The following SAE1 variants were observed in gnomAD, a reference collection of about 807,000 sequenced individuals.
SAE1 encodes SUMO-activating enzyme subunit 1.
A neutral mutation model predicts 40.6 loss-of-function variants in SAE1; 11 were observed. That is an observed-to-expected ratio of 0.27 (90% CI 0.17 to 0.45). The LOEUF is 0.45. Ranked by LOEUF, SAE1 falls within the 20% of genes least tolerant of loss-of-function variation. The pLI is 1.00. For synonymous variants in SAE1, 155 were observed against 154.3 expected (o/e 1.00, Z -0.03); for missense variants, 373 against 427.3 (o/e 0.87, Z 1.12).
intron 8 of SAE1, among the ~76,000 whole-genome samples, chr19:47,204,352 C>T: frequency 6.6e-6 from 1 of 151,612 alleles, no homozygotes; most frequent in Non-Finnish European, 1.5e-5. Flanking sequence ...CGCCTGCCAC[C>T]ACGCCCAGCT....
intron 8 of SAE1, among the ~76,000 whole-genome samples, chr19:47,206,805 C>T (rs2058688983): frequency 6.6e-6 from 1 of 152,208 alleles, no homozygotes; most frequent in Admixed American, 6.5e-5. Context: ...CTCCTACTTA[C>T]TAAGAATTTA....
At chr19:47,206,424 A>G (rs929725934) in intron 8 of SAE1, among the ~76,000 whole-genome samples, 2 of 152,224 alleles carry the variant, frequency 1.3e-5, no homozygotes, top group Non-Finnish European at 1.5e-5. Flanking sequence ...CTGAGCGCCT[A>G]TGGAAAGCTT....
intron 5 of SAE1, among the ~76,000 whole-genome samples, chr19:47,159,672 C>T (rs1254424381): frequency 1.3e-5 from 2 of 151,918 alleles, no homozygotes. Flanking sequence ...ATCCACTACA[C>T]CTGGCTAATT....
intron 7 of SAE1, among the ~76,000 whole-genome samples, chr19:47,199,366 CAG>C (rs2058637906): frequency 8.3e-6 from 1 of 120,042 alleles, no homozygotes; most frequent in African/African-American, 3.3e-5. Flanking sequence ...GCCTGGGCGA[CAG>C]AGCGAGAGGG....
chr19:47,205,320 C>CTTTTTTTT (rs11291244), intron 8 of SAE1, among the ~76,000 whole-genome samples: 1 of 129,246 alleles, frequency 7.7e-6, no homozygotes, highest in Non-Finnish European at 1.6e-5. Flanking sequence ...CCTAAGGCTA[C>CTTTTTTTT]TTTTTTTTTT....
At chr19:47,135,324 C>T (rs1209859047) in intron 1 of SAE1, among the ~76,000 whole-genome samples, 1 of 152,058 alleles carries the variant, frequency 6.6e-6, no homozygotes, top group Non-Finnish European at 1.5e-5. Flanking sequence ...TTCCCCTCCA[C>T]CCCCCACTAC....
At chr19:47,187,930 G>C (rs2058554007) in intron 6 of SAE1, among the ~76,000 whole-genome samples, 1 of 152,106 alleles carries the variant, frequency 6.6e-6, no homozygotes, top group African/African-American at 2.4e-5. Flanking sequence ...GCCTGCTATG[G>C]GGCAAGCCCT....
chr19:47,201,360 C>CTTTTGTTTTTTTTTT (rs2058653569), intron 7 of SAE1, among the ~76,000 whole-genome samples: 1 of 66,204 alleles, frequency 1.5e-5, no homozygotes, highest in African/African-American at 6.7e-5. Context: ...TATCTGGTTC[C>CTTTTGTTTTTTTTTT]TTTTTTTTTT....
At chr19:47,191,867 A>G (rs570500194) in intron 6 of SAE1, among the ~76,000 whole-genome samples, 7 of 152,184 alleles carry the variant, frequency 4.6e-5, no homozygotes, top group Admixed American at 3.9e-4. Flanking sequence ...CATCCTGGCT[A>G]ACACGGTGAA....
At chr19:47,169,992 G>A in intron 6 of SAE1, 69 bp downstream of exon 6, 3 of 1,147,690 alleles carry the variant, frequency 2.6e-6, no homozygotes, top group Admixed American at 1.7e-5. Flanking sequence ...GTGGTTGCAA[G>A]GTCCAGATGG....
intron 1 of SAE1, among the ~76,000 whole-genome samples, chr19:47,140,321 T>A (rs1472881786): frequency 6.6e-6 from 1 of 151,912 alleles, no homozygotes; most frequent in Non-Finnish European, 1.5e-5. Flanking sequence ...TTAGCCAGGA[T>A]GGTCTCGGTC....
chr19:47,177,369 T>TC (rs1264051549), intron 6 of SAE1, among the ~76,000 whole-genome samples: 6 of 151,990 alleles, frequency 3.9e-5, no homozygotes, highest in East Asian at 3.9e-4. Flanking sequence ...TTGTTTTTTT[T>TC]CCCCCCCAAA....
intron 7 of SAE1, among the ~76,000 whole-genome samples, chr19:47,201,655 A>C (rs1467505572): frequency 7.0e-6 from 1 of 142,114 alleles, no homozygotes; most frequent in Admixed American, 7.0e-5. Flanking sequence ...AATTATTATT[A>C]TTGGGAGTCT....
intron 2 of SAE1, among the ~76,000 whole-genome samples, chr19:47,145,301 A>G (rs1454265419): frequency 6.6e-6 from 1 of 151,970 alleles, no homozygotes; most frequent in African/African-American, 2.4e-5. Context: ...GCACCCGGCC[A>G]TGCCTGGCTA....
intron 5 of SAE1, 124 bp from the exon 6 acceptor site, chr19:47,169,694 C>T (rs911771886): frequency 4.2e-6 from 3 of 717,756 alleles, no homozygotes; most frequent in African/African-American, 3.5e-5. Flanking sequence ...CAAATGGCCC[C>T]TGCTTCTTTT....
intron 7 of SAE1, among the ~76,000 whole-genome samples, chr19:47,200,259 G>A (rs2058644808): frequency 6.7e-6 from 1 of 149,374 alleles, no homozygotes; most frequent in Non-Finnish European, 1.5e-5. Context: ...TTTAAGATAG[G>A]GTCTCTCTCT....
Position 47,130,878 on chromosome 19 carries a change from G to A in SAE1, c.-53G>A. The A allele has an allele frequency of 1.9e-6, 3 of 1,545,554 alleles. No individual in the cohort carries two copies. Among genetic ancestry groups the A allele is most frequent in the Non-Finnish European group, 2.6e-6 (3 of 1,145,166 alleles). On this transcript the variant is annotated 5_prime_UTR_variant, in exon 1 of 9. Transcript: ENST00000270225. ...GCGGCGGTAGGTGGCGCGCGGGTCCGGCGGGCGGTTGGCTTGAGCGGGACC... is the reference window on the plus strand; with the variant it reads ...GCGGCGGTAGGTGGCGCGCGGGTCCAGCGGGCGGTTGGCTTGAGCGGGACC...
intron 7 of SAE1, among the ~76,000 whole-genome samples, chr19:47,202,117 T>C (rs944970090): frequency 7.9e-5 from 12 of 152,052 alleles, no homozygotes; most frequent in African/African-American, 2.9e-4. Flanking sequence ...TGGCAATACA[T>C]ATGAAAAACT....
In SAE1 at chr19:47,152,883, T is replaced by C; in HGVS notation, c.385-15T>C. 1.9e-6 allele frequency: 3 copies of C among 1,609,798 alleles called. No individual in the cohort carries two copies. The highest frequency in any genetic ancestry group is 2.5e-6 in the Non-Finnish European group (3 of 1,178,944). On this transcript the variant is annotated splice_polypyrimidine_tract_variant and intron_variant, in intron 3 of 8. Coordinates refer to ENST00000270225, the MANE Select transcript of SAE1 (RefSeq NM_005500.3). ...TTGCAAAACTCAAACCCAGCCAATTTCTTTCTTTCTGCAGGTGTGTCTGAC... is the reference window on the plus strand; with the variant it reads ...TTGCAAAACTCAAACCCAGCCAATTCCTTTCTTTCTGCAGGTGTGTCTGAC...
Sources: allele counts gnomAD v4.1 joint callset (sites outside exome capture counted in the v4.1 genomes callset), GRCh38; gene constraint gnomAD v4.1.1; transcripts MANE v1.5; gene names NCBI Gene and HGNC (gene_info 2026-07-23, HGNC 2026-07-21).